The following GRIA1 variants were observed in gnomAD, a reference collection of about 807,000 sequenced individuals.
GRIA1 encodes glutamate receptor 1.
In GRIA1, 31 loss-of-function variants were observed where a neutral mutation model predicts 99.2. The ratio of observed to expected loss-of-function variants is 0.31; its 90% CI spans 0.23 to 0.42. The LOEUF (loss-of-function observed/expected upper bound fraction) is 0.42, where lower values mean the gene tolerates loss of function less well. Ranked by LOEUF, GRIA1 falls within the 10% of genes least tolerant of loss-of-function variation. The pLI is 1.00. For synonymous variants in GRIA1, 438 were observed against 432.4 expected (o/e 1.01, Z -0.16); for missense variants, 782 against 1,157.5 (o/e 0.68, Z 4.71).
At chr5:153,621,868 A>T (rs1767081112) in intron 2 of GRIA1, among the ~76,000 whole-genome samples, 1 of 152,186 alleles carries the variant, frequency 6.6e-6, no homozygotes, top group Non-Finnish European at 1.5e-5. Context: ...TTGCTTTTTC[A>T]TTCCTTCAGC....
At chr5:153,563,441 T>G (rs1761333526) in intron 2 of GRIA1, among the ~76,000 whole-genome samples, 1 of 152,198 alleles carries the variant, frequency 6.6e-6, no homozygotes, top group South Asian at 2.1e-4. Context: ...TTACTTCCCC[T>G]TACAAGACTT....
chr5:153,772,736 G>A (rs1248130186), intron 13 of GRIA1, among the ~76,000 whole-genome samples: 1 of 152,158 alleles, frequency 6.6e-6, no homozygotes. Flanking sequence ...GTTTGGCAAC[G>A]AAGAGGCTTT....
At chr5:153,566,819 C>T (rs915529927) in intron 2 of GRIA1, among the ~76,000 whole-genome samples, 3 of 147,454 alleles carry the variant, frequency 2.0e-5, no homozygotes, top group South Asian at 2.1e-4. Context: ...TGGGTTCAAG[C>T]GATTCTCCTG....
At chr5:153,753,960 A>G (rs12653379) in intron 11 of GRIA1, among the ~76,000 whole-genome samples, 60,861 of 152,056 alleles carry the variant, frequency 0.4, 13,435 homozygotes, top group East Asian at 0.94. Flanking sequence ...AGCAGCTTGT[A>G]TCAGTTAAAG....
At chr5:153,586,733 C>T (rs1225774004) in intron 2 of GRIA1, among the ~76,000 whole-genome samples, 1 of 152,062 alleles carries the variant, frequency 6.6e-6, no homozygotes, top group Non-Finnish European at 1.5e-5. Flanking sequence ...CTTTTTCCAC[C>T]ATGCCAAAGT....
chr5:153,776,109 C>A (rs924398788), intron 13 of GRIA1, among the ~76,000 whole-genome samples: 1 of 152,034 alleles, frequency 6.6e-6, no homozygotes, highest in African/African-American at 2.4e-5. Context: ...ATTACCCTGG[C>A]GGTGGTTTGC....
chr5:153,549,564 G>A (rs1439338214), intron 2 of GRIA1, among the ~76,000 whole-genome samples: 1 of 152,166 alleles, frequency 6.6e-6, no homozygotes, highest in African/African-American at 2.4e-5. Context: ...AGATCAGAAA[G>A]TAAAATTCTA....
At chr5:153,492,398 AC>A in intron 1 of GRIA1, 1 of 1,221,358 alleles carries the variant, frequency 8.2e-7, no homozygotes. Flanking sequence ...GTAGCCTTCT[AC>A]TCCTCAACCT....
At chr5:153,671,606 T>G (rs768205059) in intron 5 of GRIA1, among the ~76,000 whole-genome samples, 6 of 152,206 alleles carry the variant, frequency 3.9e-5, no homozygotes, top group Non-Finnish European at 7.3e-5. Context: ...AAAGGTATTT[T>G]CAACCTGAAT....
intron 11 of GRIA1, among the ~76,000 whole-genome samples, chr5:153,763,424 T>G (rs1763310790): frequency 6.6e-6 from 1 of 152,194 alleles, no homozygotes; most frequent in Non-Finnish European, 1.5e-5. Context: ...GCTCTGAGCT[T>G]GAGGCTGTCA....
intron 2 of GRIA1, among the ~76,000 whole-genome samples, chr5:153,613,100 C>A (rs1360279798): frequency 6.6e-6 from 1 of 152,150 alleles, no homozygotes; most frequent in East Asian, 1.9e-4. Flanking sequence ...TGGACTAAAG[C>A]TCCTTTTTCT....
At chr5:153,490,298 G>A (rs1753796882), upstream of GRIA1, 1 of 174,588 alleles carries the variant, frequency 5.7e-6, no homozygotes, top group South Asian at 1.4e-4. Context: ...ATTCCCAGCA[G>A]CTTCAGCCTG....
chr5:153,698,400 C>A (rs1006952721), intron 9 of GRIA1, among the ~76,000 whole-genome samples: 4 of 152,128 alleles, frequency 2.6e-5, no homozygotes, highest in Admixed American at 6.5e-5. Context: ...GCCAGCTTTC[C>A]CATATTTAAA....
At chr5:153,786,544 T>C (rs1051957909) in intron 13 of GRIA1, among the ~76,000 whole-genome samples, 15 of 151,952 alleles carry the variant, frequency 9.9e-5, no homozygotes, top group African/African-American at 3.4e-4. Flanking sequence ...TCCTAGTAAG[T>C]ACCTACAATG....
At chr5:153,745,765 GT>G (rs1261426247) in intron 11 of GRIA1, among the ~76,000 whole-genome samples, 1 of 152,066 alleles carries the variant, frequency 6.6e-6, no homozygotes, top group Admixed American at 6.6e-5. Flanking sequence ...AAACATCTTG[GT>G]TTACATACTT....
At position 153,741,597 on chromosome 5, in the gene GRIA1, TACA is replaced by T. The variant is rs577446790; in HGVS notation, c.1824-22830_1824-22828del. On this transcript the variant is annotated intron_variant, in intron 11 of 15. Transcript: ENST00000285900. Reference sequence around the variant, plus strand: ...GCTTAAAAAAGGAAATTCTCTAATATACAACAACATGGATGAACCTTGAGGACA... The same window carrying T: ...GCTTAAAAAAGGAAATTCTCTAATATACAACATGGATGAACCTTGAGGACA... Among the ~76,000 whole-genome samples, 13 of 152,298 alleles carry T rather than the reference TACA, an allele frequency of 8.5e-5. No individual in the cohort carries two copies. The East Asian group carries it at 2.3e-3, about 27-fold the overall frequency.
At chr5:153,683,524 T>A (rs1488454472) in intron 7 of GRIA1, among the ~76,000 whole-genome samples, 1 of 152,208 alleles carries the variant, frequency 6.6e-6, no homozygotes, top group African/African-American at 2.4e-5. Context: ...AATAAGCAGC[T>A]TCTTGTGAGA....
intron 2 of GRIA1, among the ~76,000 whole-genome samples, chr5:153,579,321 T>C (rs1762843754): frequency 6.6e-6 from 1 of 152,218 alleles, no homozygotes; most frequent in South Asian, 2.1e-4. Flanking sequence ...CTTTATTCCA[T>C]AGCACCAATG....
Position 153,707,624 on chromosome 5 carries a change from T to C in GRIA1, c.1823+1557T>C, listed in dbSNP as rs928740618. Among the ~76,000 whole-genome samples, 9 of 152,298 alleles carry C rather than the reference T, an allele frequency of 5.9e-5. No homozygotes were observed. In the East Asian group the frequency reaches 1.5e-3, roughly 26 times the overall value. On this transcript the variant is annotated intron_variant, in intron 11 of 15. Coordinates refer to ENST00000285900, the MANE Select transcript of GRIA1 (RefSeq NM_000827.4). ...ATAAGTGCATAATATCAAGGTCTCA[T>C]AGACATGTGCTGGAGGCATCTTTAC...
Sources: allele counts gnomAD v4.1 joint callset (sites outside exome capture counted in the v4.1 genomes callset), GRCh38; gene constraint gnomAD v4.1.1; transcripts MANE v1.5; gene names NCBI Gene and HGNC (gene_info 2026-07-23, HGNC 2026-07-21).